IKBKB: variants seen among roughly 807,000 people sequenced by gnomAD.
IKBKB encodes the protein inhibitor of nuclear factor kappa-B kinase subunit beta.
IKBKB carries 42 observed loss-of-function variants against 113.6 expected under a neutral mutation model. The observed-to-expected ratio is 0.37, with a 90% CI of 0.29 to 0.48. The LOEUF (loss-of-function observed/expected upper bound fraction) is 0.48. IKBKB is among the 20% of genes least tolerant of loss of function. IKBKB has a pLI of 0.99. For missense variants in IKBKB, 673 were observed against 939.7 expected, an observed-to-expected ratio of 0.72 and a Z score of 3.71; for synonymous variants, 296 against 361.3, an observed-to-expected ratio of 0.82 and a Z score of 2.05.
At chr8:42,327,229 C>A (rs540364544) in intron 20 of IKBKB, among the ~76,000 whole-genome samples, 2 of 151,850 alleles carry the variant, frequency 1.3e-5, no homozygotes, top group Non-Finnish European at 2.9e-5. Flanking sequence ...CTGTATGGCA[C>A]GCGCTTGTAA....
intron 20 of IKBKB, chr8:42,326,356 C>T (rs1820730632): frequency 4.3e-6 from 2 of 469,476 alleles, no homozygotes; most frequent in South Asian, 4.4e-5. Context: ...GCTGGTCAGG[C>T]ACATGCTGTT....
chr8:42,297,585 G>A (rs1563323683), intron 5 of IKBKB, among the ~76,000 whole-genome samples: 5 of 152,214 alleles, frequency 3.3e-5, no homozygotes. Context: ...AGAAGAGGCT[G>A]CAGAGTGCCT....
chr8:42,311,329 A>C (rs2130588018), intron 8 of IKBKB, among the ~76,000 whole-genome samples: 1 of 152,282 alleles, frequency 6.6e-6, no homozygotes, highest in African/African-American at 2.4e-5. Context: ...TTGGGAGGCC[A>C]AGATGGGCGG....
chr8:42,299,353 T>C (rs1456271079), intron 5 of IKBKB, among the ~76,000 whole-genome samples: 3 of 152,166 alleles, frequency 2.0e-5, no homozygotes, highest in Non-Finnish European at 4.4e-5. Context: ...TGTGCTAACC[T>C]ACCCTTCTGT....
At position 42,331,511 on chromosome 8, in the gene IKBKB, G is replaced by C. The variant is rs1468231780; in HGVS notation, c.*532G>C. On this transcript the variant is annotated 3_prime_UTR_variant, in exon 22 of 22. Coordinates refer to ENST00000520810, the MANE Select transcript of IKBKB (RefSeq NM_001556.3). Reference sequence around the variant, plus strand: ...ACAGCTTGTGTTTCTTCTGGATTCAGCTTCTCCTAAACAGACAGTTTAATT... The same window carrying C: ...ACAGCTTGTGTTTCTTCTGGATTCACCTTCTCCTAAACAGACAGTTTAATT... 6 of 665,238 alleles carry C rather than the reference G, an allele frequency of 9.0e-6. No individual in the cohort carries two copies. The highest frequency in any genetic ancestry group is 6.5e-5 in the Admixed American group (3 of 46,262). The allele number at this position is 665,238 out of a possible 1,614,324, so 41.2% of individuals were successfully genotyped here. A position where few individuals can be genotyped will look rare whatever the true frequency, so the allele number is the denominator to read the frequency against.
At chr8:42,321,968 C>G in intron 17 of IKBKB, 23 bp downstream of exon 17, 1 of 1,612,350 alleles carries the variant, frequency 6.2e-7, no homozygotes, top group African/African-American at 1.3e-5. Flanking sequence ...CTGTGTCTGC[C>G]TTGGGCTTCT....
chr8:42,287,662 C>A (rs1386707544), intron 2 of IKBKB, among the ~76,000 whole-genome samples: 1 of 152,222 alleles, frequency 6.6e-6, no homozygotes, highest in African/African-American at 2.4e-5. Context: ...CTGCTAGAGG[C>A]TTGTTTTCAA....
chr8:42,323,574 G>A (rs1260288162), intron 19 of IKBKB, among the ~76,000 whole-genome samples: 4 of 152,220 alleles, frequency 2.6e-5, no homozygotes, highest in Non-Finnish European at 5.9e-5. Flanking sequence ...CAAAGGGAAG[G>A]AGAGAGGGAG....
rs188547379 is a variant in IKBKB at position 42,296,517 on chromosome 8, G to T, written c.388+3005G>T. On this transcript the variant is annotated intron_variant, in intron 5 of 21. Transcript: ENST00000520810. ...TAAAAACTAAATTAGCCAGGTGTGG[G>T]GCATGCCTGTAATCCCAGCTACTCG... Among the ~76,000 whole-genome samples the T allele has an allele frequency of 1.7e-3, 266 of 152,122 alleles. 1 individual carries two copies. The highest frequency in any genetic ancestry group is 6.8e-3 in the Middle Eastern group (2 of 294).
chr8:42,272,042 C>T lies in IKBKB; in HGVS notation c.-18-41C>T, dbSNP rs11400381. On this transcript the variant is annotated intron_variant, in intron 1 of 21. Transcript: ENST00000520810. ...CCATCCCTTTGAGCTCCATTTTTTT[C>T]TTAATCCTAACCTTTTTTCCCCATC... is the stretch of plus-strand genomic sequence containing the variant. 1.0e-5 allele frequency: 16 copies of T among 1,564,136 alleles called. No homozygotes were observed. In the Admixed American group the frequency reaches 1.1e-4, roughly 11 times the overall value.
chr8:42,291,535 T>A lies in IKBKB; in HGVS notation c.318+1262T>A, dbSNP rs1034875950. 2.0e-5 allele frequency among the ~76,000 whole-genome samples: 3 copies of A among 152,344 alleles called. No homozygotes were observed. The East Asian group carries it at 5.8e-4, about 29-fold the overall frequency. ...AGGTCGGTTGCTCTGCGAGTGCACC[T>A]CTTCACTCCAGAAGGGTCACAATAG... On this transcript the variant is annotated intron_variant, in intron 4 of 21. Coordinates refer to ENST00000520810, the MANE Select transcript of IKBKB (RefSeq NM_001556.3).
At position 42,321,715 on chromosome 8, in the gene IKBKB, GCACAGTGGAT is replaced by G. The variant is rs1470164705; in HGVS notation, c.1689-176_1689-167del. The G allele has an allele frequency of 8.9e-6, 5 of 564,852 alleles. No individual in the cohort carries two copies. The Admixed American group carries it at 1.6e-4, about 18-fold the overall frequency. The allele number at this position is 564,852 out of a possible 1,614,324, so 35.0% of individuals were successfully genotyped here. A position where few individuals can be genotyped will look rare whatever the true frequency, so the allele number is the denominator to read the frequency against. On this transcript the variant is annotated intron_variant, in intron 16 of 21. Coordinates refer to ENST00000520810, the MANE Select transcript of IKBKB (RefSeq NM_001556.3). ...TTAAAAAAAAAATGTTTTTGGCTGG[GCACAGTGGAT>G]CACATCTGTAATCCCAGCACCTTGG...
At chr8:42,322,823 G>A (rs928966725) in intron 19 of IKBKB, among the ~76,000 whole-genome samples, 6 of 152,228 alleles carry the variant, frequency 3.9e-5, no homozygotes, top group Non-Finnish European at 8.8e-5. Context: ...AGGCTGAGGT[G>A]GGAGGATTGC....
At chr8:42,300,091 C>T (rs527721805) in intron 5 of IKBKB, among the ~76,000 whole-genome samples, 3 of 152,318 alleles carry the variant, frequency 2.0e-5, no homozygotes, top group Admixed American at 6.5e-5. Context: ...GTCGCACTTT[C>T]GCCTTGGCAC....
intron 15 of IKBKB, 35 bp downstream of exon 15, chr8:42,319,681 A>G: frequency 1.3e-6 from 2 of 1,530,338 alleles, no homozygotes; most frequent in Non-Finnish European, 1.8e-6. Flanking sequence ...GAACTTACCA[A>G]GGGGGTGAGA....
chr8:42,273,106 CA>C (rs1808177753), intron 2 of IKBKB, among the ~76,000 whole-genome samples: 1 of 151,956 alleles, frequency 6.6e-6, no homozygotes, highest in African/African-American at 2.4e-5. Context: ...GACCTTGTTT[CA>C]AAACCATTTT....
intron 2 of IKBKB, among the ~76,000 whole-genome samples, chr8:42,283,979 G>T (rs564632404): frequency 7.9e-5 from 12 of 152,272 alleles, no homozygotes; most frequent in African/African-American, 2.9e-4. Context: ...GCTGCAGCGG[G>T]GCCATCGGTC....
chr8:42,302,785 C>T (rs1815526272), intron 5 of IKBKB, among the ~76,000 whole-genome samples: 2 of 151,752 alleles, frequency 1.3e-5, no homozygotes, highest in Non-Finnish European at 2.9e-5. Flanking sequence ...AAAACTGATC[C>T]CAAGCATTTT....
chr8:42,315,748 T>C (rs1357397902), intron 9 of IKBKB, among the ~76,000 whole-genome samples: 2 of 152,218 alleles, frequency 1.3e-5, no homozygotes, highest in Non-Finnish European at 2.9e-5. Flanking sequence ...CTGCAATCTC[T>C]GCCTCCCAAG....
Sources: gnomAD v4.1 joint callset for allele counts (sites outside exome capture counted in the v4.1 genomes callset) on GRCh38, gnomAD v4.1.1 for gene constraint, MANE v1.5 for transcripts, NCBI Gene and HGNC (gene_info 2026-07-23, HGNC 2026-07-21) for gene names.